The following ADAM22 variants were observed in gnomAD, a reference collection of about 807,000 sequenced individuals.
ADAM22 encodes the protein ADAM metallopeptidase domain 22, also known as disintegrin and metalloproteinase domain-containing protein 22.
Under a neutral mutation model 144.6 loss-of-function variants are expected in ADAM22, and 65 were observed. The ratio of observed to expected loss-of-function variants is 0.45; its 90% confidence interval spans 0.37 to 0.55. The LOEUF is 0.55. ADAM22 is among the 20% of genes least tolerant of loss of function. The pLI, the probability that ADAM22 is intolerant of heterozygous loss-of-function variation, is 0.00. For missense variants in ADAM22, 974 were observed against 1,184.9 expected, an observed-to-expected ratio of 0.82 and a Z score of 2.61; for synonymous variants, 391 against 412.6, an observed-to-expected ratio of 0.95 and a Z score of 0.63.
intron 2 of ADAM22, among the ~76,000 whole-genome samples, chr7:87,951,936 T>C (rs545002367): frequency 1.4e-5 from 2 of 146,372 alleles, no homozygotes; most frequent in Non-Finnish European, 3.0e-5. Flanking sequence ...GATTTGGCTC[T>C]CTGTTTGTCT....
intron 28 of ADAM22, 60 bp from the exon 29 acceptor site, chr7:88,181,898 A>G: frequency 6.8e-7 from 1 of 1,481,332 alleles, no homozygotes; most frequent in South Asian, 1.2e-5. Context: ...ATGCCTCGTA[A>G]TTAGACATAG....
chr7:88,034,100 T>C (rs1800936427), intron 3 of ADAM22, among the ~76,000 whole-genome samples: 1 of 152,136 alleles, frequency 6.6e-6, no homozygotes, highest in Non-Finnish European at 1.5e-5. Context: ...CCCTCTGCTT[T>C]TCTCAAGCAG....
chr7:88,126,424 G>T (rs964055635), intron 8 of ADAM22, among the ~76,000 whole-genome samples: 1 of 151,864 alleles, frequency 6.6e-6, no homozygotes, highest in African/African-American at 2.4e-5. Context: ...AAGGAACCAG[G>T]TATCTTCTTT....
chr7:88,187,325 C>T (rs1848542496), intron 30 of ADAM22, among the ~76,000 whole-genome samples: 1 of 152,082 alleles, frequency 6.6e-6, no homozygotes. Context: ...TACAGATTCT[C>T]AACAAAGCAT....
chr7:88,017,079 A>T (rs767424804), intron 3 of ADAM22, among the ~76,000 whole-genome samples: 1 of 152,164 alleles, frequency 6.6e-6, no homozygotes. Context: ...TGAGCGCACC[A>T]CTGTACTCCA....
At position 88,140,111 on chromosome 7, in the gene ADAM22, TC is replaced by T. The variant is rs144862993; in HGVS notation, c.1221-2914del. On this transcript the variant is annotated intron_variant, in intron 14 of 31. Coordinates refer to ENST00000413139, the MANE Select transcript of ADAM22 (RefSeq NM_001324418.2). ...GGGGAGAAGGGAGGGGGTGCTAGGC[TC>T]TTTTTAACAACCGAATCTCGTGTAA... Among the ~76,000 whole-genome samples, 512 of 152,174 alleles carry T rather than the reference TC, an allele frequency of 3.4e-3. 7 individuals carry two copies. Among genetic ancestry groups the T allele is most frequent in the African/African-American group, 0.012 (488 of 41,516 alleles).
At position 88,153,339 on chromosome 7, in the gene ADAM22, C is replaced by T. The variant is rs779264214; in HGVS notation, c.1787+13C>T. The T allele has an allele frequency of 6.2e-6, 10 of 1,600,456 alleles. No homozygotes were observed. The highest frequency in any genetic ancestry group is 3.4e-6 in the Non-Finnish European group (4 of 1,170,554). On this transcript the variant is annotated intron_variant, in intron 21 of 31. Coordinates refer to ENST00000413139, the MANE Select transcript of ADAM22 (RefSeq NM_001324418.2). Reference sequence around the variant, plus strand: ...AGTGCAACAAACGGTGAGGTGGAGACGTCAGCCCAGAATTCATCCCTTGGT... The same window carrying T: ...AGTGCAACAAACGGTGAGGTGGAGATGTCAGCCCAGAATTCATCCCTTGGT...
chr7:88,012,776 T>A (rs1489046821), intron 3 of ADAM22, among the ~76,000 whole-genome samples: 3 of 152,198 alleles, frequency 2.0e-5, no homozygotes, highest in Admixed American at 1.3e-4. Context: ...ACCTTCACAG[T>A]GTTTCTGAAC....
chr7:87,992,754 T>C (rs578249936), intron 3 of ADAM22, among the ~76,000 whole-genome samples: 1 of 152,274 alleles, frequency 6.6e-6, no homozygotes, highest in Non-Finnish European at 1.5e-5. Flanking sequence ...CATGATCTCG[T>C]ATAACTGTAA....
rs111920807 is a variant in ADAM22 at position 87,982,846 on chromosome 7, A to C, written c.323+4434A>C. Among the ~76,000 whole-genome samples the C allele has an allele frequency of 6.1e-3, 918 of 150,282 alleles. 14 individuals carry two copies. The highest frequency in any genetic ancestry group is 0.046 in the East Asian group (234 of 5,088). ...AGTAGCTGGAATTACAGTGCACCAC[A>C]ACACCCGGCTAATTTTGTATTTTTA... On this transcript the variant is annotated intron_variant, in intron 3 of 31. Coordinates refer to ENST00000413139, the MANE Select transcript of ADAM22 (RefSeq NM_001324418.2).
rs1262784360 is a variant in ADAM22, at chr7:87,973,291, A to G, written c.247-5045A>G. 3.9e-5 allele frequency among the ~76,000 whole-genome samples: 6 copies of G among 152,238 alleles called. 1 individual carries two copies. Among genetic ancestry groups the G allele is most frequent in the Non-Finnish European group, 7.3e-5 (5 of 68,046 alleles). On this transcript the variant is annotated intron_variant, in intron 2 of 31. Transcript: ENST00000413139. Reference sequence around the variant, plus strand: ...AAGTGGGCAAAGGATATGAACAGACACTTCTCAAAAGAAGACATTTATGCA... The same window carrying G: ...AAGTGGGCAAAGGATATGAACAGACGCTTCTCAAAAGAAGACATTTATGCA...
rs199505139 is a variant in ADAM22 at position 88,202,231 on chromosome 7, C to A, written c.*5740C>A. The A allele has an allele frequency of 6.6e-6, 1 of 151,600 alleles. No homozygotes were observed. The highest frequency in any genetic ancestry group is 1.5e-5 in the Non-Finnish European group (1 of 67,920). The allele number at this position is 151,600 out of a possible 1,614,324, so 9.4% of individuals were successfully genotyped here. A position where few individuals can be genotyped will look rare whatever the true frequency, so the allele number is the denominator to read the frequency against. On this transcript the variant is annotated 3_prime_UTR_variant, in exon 32 of 32. Coordinates refer to ENST00000413139, the MANE Select transcript of ADAM22 (RefSeq NM_001324418.2). The stretch of plus-strand genomic sequence containing the variant: ...TTTGTATGGAAAACTTTTTTTTTTA[C>A]ACTAACTGCAAAACTGCTTTAAAAA...
intron 2 of ADAM22, among the ~76,000 whole-genome samples, chr7:87,975,046 T>A (rs915993867): frequency 2.0e-5 from 3 of 152,148 alleles, no homozygotes; most frequent in Non-Finnish European, 2.9e-5. Context: ...GCACAGTCCC[T>A]TTTTCCATGT....
chr7:88,131,559 G>T, intron 11 of ADAM22, 124 bp downstream of exon 11: 1 of 1,028,974 alleles, frequency 9.7e-7, no homozygotes, highest in Non-Finnish European at 1.4e-6. Flanking sequence ...ATGGCAGATA[G>T]ATTTGGAAAA....
At chr7:88,024,278 G>C (rs951684395) in intron 3 of ADAM22, among the ~76,000 whole-genome samples, 1 of 152,094 alleles carries the variant, frequency 6.6e-6, no homozygotes, top group Admixed American at 6.5e-5. Context: ...GTTCTCCATA[G>C]TGGTCATACT....
intron 3 of ADAM22, among the ~76,000 whole-genome samples, chr7:87,982,699 A>ATATAT (rs10527361): frequency 1.9e-4 from 12 of 62,930 alleles, no homozygotes; most frequent in East Asian, 3.8e-4. Context: ...ATATATATAT[A>ATATAT]ATTTTTTTTT....
chr7:88,140,338 C>T (rs568545744), intron 14 of ADAM22, among the ~76,000 whole-genome samples: 2 of 152,154 alleles, frequency 1.3e-5, no homozygotes, highest in Admixed American at 1.3e-4. Flanking sequence ...TGTGGTTGCA[C>T]CATTGGTTCA....
In ADAM22 at chr7:88,146,673, G is replaced by T. The variant is rs62486425; in HGVS notation, c.1485+1166G>T. Among the ~76,000 whole-genome samples, 2 of 152,172 alleles carry T rather than the reference G, an allele frequency of 1.3e-5. 1 individual carries two copies. Among genetic ancestry groups the T allele is most frequent in the South Asian group, 4.1e-4 (2 of 4,830 alleles). On this transcript the variant is annotated intron_variant, in intron 17 of 31. Transcript: ENST00000413139. ...ATAATGCTCACAAGCACACTTTTGGGATGGGCATTATTATCTTGATTTTTA... is the reference window on the plus strand; with the variant it reads ...ATAATGCTCACAAGCACACTTTTGGTATGGGCATTATTATCTTGATTTTTA...
chr7:88,003,135 A>G (rs748831275), intron 3 of ADAM22, among the ~76,000 whole-genome samples: 31 of 152,372 alleles, frequency 2.0e-4, no homozygotes, highest in Non-Finnish European at 3.4e-4. Context: ...TGCAGGAGGC[A>G]TGTTGTTGCT....
Sources: allele counts gnomAD v4.1 joint callset (sites outside exome capture counted in the v4.1 genomes callset), GRCh38; gene constraint gnomAD v4.1.1; transcripts MANE v1.5; gene names NCBI Gene and HGNC (gene_info 2026-07-23, HGNC 2026-07-21).